The following NRXN3 variants were observed in gnomAD, a reference collection of about 807,000 sequenced individuals.
NRXN3 encodes neurexin 3, also known as neurexin III.
In NRXN3, 32 loss-of-function variants were observed where a neutral mutation model predicts 137.6. The ratio of observed to expected loss-of-function variants is 0.23; its 90% CI spans 0.18 to 0.31. The LOEUF is 0.31. Ranked by LOEUF, NRXN3 falls within the 10% of genes least tolerant of loss-of-function variation. NRXN3 has a pLI of 1.00. For missense variants in NRXN3, 1,574 were observed against 2,062.5 expected, an observed-to-expected ratio of 0.76 and a Z score of 4.59; for synonymous variants, 798 against 784.5, an observed-to-expected ratio of 1.02 and a Z score of -0.29.
intron 15 of NRXN3, among the ~76,000 whole-genome samples, chr14:79,087,955 G>GATTTTCCC (rs2048437178): frequency 6.6e-6 from 1 of 150,714 alleles, no homozygotes; most frequent in African/African-American, 2.5e-5. Context: ...GTTGTTTCTG[G>GATTTTCCC]TTAAAGCAAC....
intron 16 of NRXN3, among the ~76,000 whole-genome samples, chr14:79,484,965 G>T (rs2096642256): frequency 6.6e-6 from 1 of 151,996 alleles, no homozygotes. Context: ...GCATAGAATT[G>T]TAATTTATTG....
At chr14:79,623,451 G>C (rs1431997502) in intron 16 of NRXN3, among the ~76,000 whole-genome samples, 1 of 152,146 alleles carries the variant, frequency 6.6e-6, no homozygotes, top group African/African-American at 2.4e-5. Flanking sequence ...TTATCTACTT[G>C]GAGAGAAAAA....
intron 16 of NRXN3, among the ~76,000 whole-genome samples, chr14:79,520,972 G>A (rs1161054278): frequency 6.6e-6 from 1 of 152,186 alleles, no homozygotes; most frequent in Admixed American, 6.5e-5. Context: ...GCACATGTAT[G>A]TTTATTGCAG....
intron 4 of NRXN3, among the ~76,000 whole-genome samples, chr14:78,343,564 G>C (rs1387758854): frequency 1.3e-5 from 2 of 152,296 alleles, no homozygotes; most frequent in South Asian, 2.1e-4. Flanking sequence ...CTGTGAAATA[G>C]AATTTTAAGG....
At chr14:79,808,626 G>A (rs534978274) in intron 20 of NRXN3, among the ~76,000 whole-genome samples, 6 of 152,036 alleles carry the variant, frequency 3.9e-5, no homozygotes, top group South Asian at 2.1e-4. Flanking sequence ...CTTTGCCAGC[G>A]AGTTTATTAT....
At chr14:78,220,486 T>A (rs1307616030) in intron 1 of NRXN3, among the ~76,000 whole-genome samples, 1 of 151,900 alleles carries the variant, frequency 6.6e-6, no homozygotes, top group Non-Finnish European at 1.5e-5. Flanking sequence ...TGGGGAGAGC[T>A]GTGTGAGTCA....
At chr14:79,080,045 A>C (rs2046667887) in intron 15 of NRXN3, among the ~76,000 whole-genome samples, 1 of 152,156 alleles carries the variant, frequency 6.6e-6, no homozygotes, top group South Asian at 2.1e-4. Flanking sequence ...TAGTGTATTA[A>C]GAGTATTATG....
intron 20 of NRXN3, among the ~76,000 whole-genome samples, chr14:79,844,207 C>T (rs1290194964): frequency 2.0e-5 from 3 of 151,740 alleles, no homozygotes; most frequent in Non-Finnish European, 4.4e-5. Flanking sequence ...CTATTTCCAC[C>T]ATATCTTCAG....
At chr14:79,328,114 C>G (rs1025557961) in intron 15 of NRXN3, among the ~76,000 whole-genome samples, 1 of 151,660 alleles carries the variant, frequency 6.6e-6, no homozygotes, top group East Asian at 1.9e-4. Flanking sequence ...GCACATGTAT[C>G]CTGAAACTTA....
intron 4 of NRXN3, among the ~76,000 whole-genome samples, chr14:78,603,802 C>G (rs534027611): frequency 7.2e-5 from 11 of 152,098 alleles, no homozygotes; most frequent in Non-Finnish European, 1.6e-4. Context: ...GCCCCATGAG[C>G]CATGGCCTTC....
chr14:79,254,421 T>A (rs957338746), intron 15 of NRXN3, among the ~76,000 whole-genome samples: 1 of 152,186 alleles, frequency 6.6e-6, no homozygotes, highest in Non-Finnish European at 1.5e-5. Flanking sequence ...ATGAAGCTCC[T>A]TGGTGACTTT....
At position 79,761,797 on chromosome 14, in the gene NRXN3, C is replaced by A. The variant is rs537291087; in HGVS notation, c.4015-43315C>A. ...TATTTTGATTATGTGTATTAAGAAGCTAAATCTACTCATATACAAAAGGAA... is the reference window on the plus strand; with the variant it reads ...TATTTTGATTATGTGTATTAAGAAGATAAATCTACTCATATACAAAAGGAA... On this transcript the variant is annotated intron_variant, in intron 19 of 20. Coordinates refer to ENST00000335750, the MANE Select transcript of NRXN3 (RefSeq NM_001330195.2). Among the ~76,000 whole-genome samples, 10 of 150,880 alleles carry A rather than the reference C, an allele frequency of 6.6e-5. No homozygotes were observed. In the South Asian group the frequency reaches 8.4e-4, roughly 13 times the overall value.
chr14:79,297,572 G>A (rs1173957279), intron 15 of NRXN3, among the ~76,000 whole-genome samples: 2 of 152,088 alleles, frequency 1.3e-5, no homozygotes, highest in Non-Finnish European at 2.9e-5. Context: ...TAAATAAAAT[G>A]AGTTTAAAAA....
chr14:78,986,622 G>A (rs2099506095), intron 14 of NRXN3, among the ~76,000 whole-genome samples: 1 of 152,062 alleles, frequency 6.6e-6, no homozygotes, highest in Non-Finnish European at 1.5e-5. Context: ...CACAGAAATA[G>A]AAATAATTTA....
intron 10 of NRXN3, among the ~76,000 whole-genome samples, chr14:78,820,916 C>T (rs2098948955): frequency 1.3e-5 from 2 of 152,110 alleles, no homozygotes; most frequent in African/African-American, 4.8e-5. Flanking sequence ...CCTGCTGGGG[C>T]ACATTTCTTT....
At position 78,714,836 on chromosome 14, in the gene NRXN3, T is replaced by C. The variant is rs1420802458; in HGVS notation, c.1741T>C (p.Tyr581His). ...SEILDLEGDM[Y>H]LGGLPENRAG... ...GATCCTGGACCTGGAAGGAGACATG[T>C]ACCTGGGAGGGCTGCCGGAGAACCG... The change falls in exon 8 of 21, where the codon TAC becomes CAC. Residue 581 changes from tyrosine to histidine, a missense_variant. Tyr to His is a moderately conservative substitution (Grantham distance 83). Coordinates refer to ENST00000335750, the MANE Select transcript of NRXN3 (RefSeq NM_001330195.2). 1 of 1,614,178 alleles carries C rather than the reference T, an allele frequency of 6.2e-7. No individual in the cohort carries two copies. The highest frequency in any genetic ancestry group is 1.7e-5 in the Admixed American group (1 of 60,030).
At chr14:79,432,043 C>G (rs188838790) in intron 15 of NRXN3, among the ~76,000 whole-genome samples, 1 of 152,186 alleles carries the variant, frequency 6.6e-6, no homozygotes, top group African/African-American at 2.4e-5. Flanking sequence ...AGTAAATAAG[C>G]CAACAATGGT....
At chr14:78,514,795 AGAGGAAAATCAGG>A (rs1324960839) in intron 4 of NRXN3, among the ~76,000 whole-genome samples, 1 of 152,164 alleles carries the variant, frequency 6.6e-6, no homozygotes, top group Non-Finnish European at 1.5e-5. Context: ...ACCATTGTAG[AGAGGAAAATCAGG>A]GAGGACCACT....
At position 78,606,332 on chromosome 14, in the gene NRXN3, A is replaced by G. The variant is rs566250128; in HGVS notation, c.758-38788A>G. ...CATCTGACATTTTTTTTAGTCAGGA[A>G]ATACCAACTTCAGTTTTCTTTGATC... is the stretch of plus-strand genomic sequence containing the variant. On this transcript the variant is annotated intron_variant, in intron 4 of 20. Coordinates refer to ENST00000335750, the MANE Select transcript of NRXN3 (RefSeq NM_001330195.2). 2.0e-5 allele frequency among the ~76,000 whole-genome samples: 3 copies of G among 152,274 alleles called. No individual in the cohort carries two copies. The South Asian group carries it at 6.2e-4, about 32-fold the overall frequency.
Sources: allele counts gnomAD v4.1 joint callset (sites outside exome capture counted in the v4.1 genomes callset), GRCh38; gene constraint gnomAD v4.1.1; transcripts MANE v1.5; gene names NCBI Gene and HGNC (gene_info 2026-07-23, HGNC 2026-07-21).